Variants in THRB observed in about 807,000 individuals in gnomAD.
The protein encoded by THRB is thyroid hormone receptor beta.
THRB carries 12 observed loss-of-function variants against 47.8 expected under a neutral mutation model. That is an observed-to-expected ratio of 0.25 (90% CI 0.16 to 0.41). THRB has a LOEUF of 0.41. THRB is among the 10% of genes least tolerant of loss of function. The pLI is 1.00. For missense variants in THRB, 348 were observed against 589.2 expected, an observed-to-expected ratio of 0.59 and a Z score of 4.24; for synonymous variants, 218 against 212.2, an observed-to-expected ratio of 1.03 and a Z score of -0.24.
At chr3:24,492,428 C>T (rs547261638) in intron 1 of THRB, among the ~76,000 whole-genome samples, 1 of 152,306 alleles carries the variant, frequency 6.6e-6, no homozygotes, top group East Asian at 1.9e-4. Flanking sequence ...CGCCTTTGCT[C>T]AAGTGGTCAG....
intron 5 of THRB, among the ~76,000 whole-genome samples, chr3:24,154,965 G>A (rs540175350): frequency 6.6e-5 from 10 of 152,286 alleles, no homozygotes; most frequent in African/African-American, 2.2e-4. Flanking sequence ...CATGACTTGG[G>A]AGGGGTCAAA....
chr3:24,237,171 G>C (rs1383530901), intron 3 of THRB, among the ~76,000 whole-genome samples: 1 of 152,184 alleles, frequency 6.6e-6, no homozygotes. Flanking sequence ...ATCTGAGTGG[G>C]TCACCTCTTG....
chr3:24,190,030 T>C, intron 5 of THRB, 44 bp downstream of exon 5: 1 of 1,595,156 alleles, frequency 6.3e-7, no homozygotes, highest in Non-Finnish European at 8.6e-7. Flanking sequence ...ATATTTTTTT[T>C]CTTGTTGAAA....
chr3:24,227,926 A>T (rs999124957), intron 4 of THRB, among the ~76,000 whole-genome samples: 1 of 152,178 alleles, frequency 6.6e-6, no homozygotes, highest in African/African-American at 2.4e-5. Context: ...TCATGGGTTG[A>T]TTCTAGTTAG....
intron 4 of THRB, among the ~76,000 whole-genome samples, chr3:24,204,792 G>T (rs2045081570): frequency 6.6e-6 from 1 of 152,192 alleles, no homozygotes; most frequent in Admixed American, 6.5e-5. Context: ...AATTACCAGT[G>T]TAGAGAAGTC....
chr3:24,253,970 C>T (rs2050940604), intron 3 of THRB, among the ~76,000 whole-genome samples: 1 of 148,886 alleles, frequency 6.7e-6, no homozygotes, highest in Non-Finnish European at 1.5e-5. Context: ...TTTTTCTTAC[C>T]ACACAAGGAA....
At chr3:24,341,416 G>A (rs985733828) in intron 1 of THRB, among the ~76,000 whole-genome samples, 6 of 151,650 alleles carry the variant, frequency 4.0e-5, no homozygotes, top group African/African-American at 1.5e-4. Context: ...TTTTTGTAGA[G>A]ATGGGGTTTT....
intron 6 of THRB, 116 bp downstream of exon 6, chr3:24,152,274 T>C (rs1431510316): frequency 9.0e-6 from 6 of 666,580 alleles, no homozygotes; most frequent in Middle Eastern, 7.1e-4. Flanking sequence ...TCACAGACCA[T>C]GGATGTTAGA....
chr3:24,461,145 G>C (rs1230028077), intron 1 of THRB, among the ~76,000 whole-genome samples: 2 of 152,170 alleles, frequency 1.3e-5, no homozygotes, highest in Non-Finnish European at 2.9e-5. Flanking sequence ...GAGTCACTAA[G>C]AAAAAAGAAT....
At chr3:24,266,962 G>C (rs1471057368) in intron 3 of THRB, among the ~76,000 whole-genome samples, 1 of 151,542 alleles carries the variant, frequency 6.6e-6, no homozygotes, top group African/African-American at 2.4e-5. Context: ...AAAGAGAGAA[G>C]AAATAGAATA....
intron 1 of THRB, among the ~76,000 whole-genome samples, chr3:24,421,801 C>A (rs923214868): frequency 1.3e-5 from 2 of 151,870 alleles, no homozygotes; most frequent in African/African-American, 2.4e-5. Flanking sequence ...CTTGTAGTGG[C>A]AATTTGTTTT....
chr3:24,454,503 T>C (rs2072979725), intron 1 of THRB, among the ~76,000 whole-genome samples: 1 of 152,166 alleles, frequency 6.6e-6, no homozygotes. Flanking sequence ...GTGGGTAAAT[T>C]GCATAGCATG....
At chr3:24,266,181 C>A (rs1393409033) in intron 3 of THRB, among the ~76,000 whole-genome samples, 1 of 151,962 alleles carries the variant, frequency 6.6e-6, no homozygotes, top group Non-Finnish European at 1.5e-5. Context: ...GAGTCTCTGC[C>A]CTCTTTTAAC....
At chr3:24,152,893 C>T (rs1044894282) in intron 5 of THRB, among the ~76,000 whole-genome samples, 1 of 150,644 alleles carries the variant, frequency 6.6e-6, no homozygotes, top group African/African-American at 2.4e-5. Flanking sequence ...ACCCAGGAGG[C>T]AGAGGTTGCA....
intron 1 of THRB, among the ~76,000 whole-genome samples, chr3:24,476,019 A>T (rs887531147): frequency 1.3e-4 from 20 of 152,236 alleles, no homozygotes; most frequent in African/African-American, 4.3e-4. Flanking sequence ...GGAAGCTCAG[A>T]AGAAGCTGCT....
chr3:24,268,637 T>C (rs2052912820), intron 3 of THRB, among the ~76,000 whole-genome samples: 1 of 152,294 alleles, frequency 6.6e-6, no homozygotes, highest in East Asian at 1.9e-4. Flanking sequence ...CCTATATTTA[T>C]AAAACTATTT....
At chr3:24,280,647 G>A (rs1005289800) in intron 3 of THRB, among the ~76,000 whole-genome samples, 1 of 152,094 alleles carries the variant, frequency 6.6e-6, no homozygotes, top group Admixed American at 6.5e-5. Flanking sequence ...CCAAGCTATG[G>A]GAGGACATTC....
At chr3:24,471,088 A>G (rs4349450) in intron 1 of THRB, among the ~76,000 whole-genome samples, 45,672 of 152,116 alleles carry the variant, frequency 0.3, 6,871 homozygotes, top group East Asian at 0.36. Flanking sequence ...TGACTGAAAG[A>G]GTGGGACCCA....
At chr3:24,288,611 T>G (rs752960512) in intron 3 of THRB, among the ~76,000 whole-genome samples, 1 of 152,204 alleles carries the variant, frequency 6.6e-6, no homozygotes, top group Non-Finnish European at 1.5e-5. Context: ...TTCCCAGCAA[T>G]GAATAGTCCT....
Sources: gnomAD v4.1 joint callset for allele counts (sites outside exome capture counted in the v4.1 genomes callset) on GRCh38, gnomAD v4.1.1 for gene constraint, MANE v1.5 for transcripts, NCBI Gene and HGNC (gene_info 2026-07-23, HGNC 2026-07-21) for gene names.